The following GDPD4 variants were observed in gnomAD, a reference collection of about 807,000 sequenced individuals.
GDPD4 encodes the protein glycerophosphodiester phosphodiesterase 6.
Under a neutral mutation model 67.8 loss-of-function variants are expected in GDPD4, and 60 were observed. The ratio of observed to expected loss-of-function variants is 0.88; its 90% CI spans 0.72 to 1.10. The LOEUF is 1.10. Among genes scored for constraint, GDPD4 ranks in the 50% least tolerant of loss-of-function variants. The pLI is 0.00. For synonymous variants in GDPD4, 212 were observed against 210.9 expected, an observed-to-expected ratio of 1.00 and a Z score of -0.04; for missense variants, 623 against 613.9, an observed-to-expected ratio of 1.01 and a Z score of -0.16.
chr11:77,281,222 G>C (rs541809545), intron 3 of GDPD4, among the ~76,000 whole-genome samples: 1 of 152,084 alleles, frequency 6.6e-6, no homozygotes, highest in South Asian at 2.1e-4. Flanking sequence ...AACCTTCAAG[G>C]ACCCCTTCCC....
At chr11:77,285,483 A>G (rs1196556129) in intron 2 of GDPD4, among the ~76,000 whole-genome samples, 1 of 152,264 alleles carries the variant, frequency 6.6e-6, no homozygotes, top group African/African-American at 2.4e-5. Flanking sequence ...TCTTGAATGC[A>G]GCTGGCTCTC....
chr11:77,263,668 T>C (rs1335054271), intron 10 of GDPD4, among the ~76,000 whole-genome samples: 1 of 152,194 alleles, frequency 6.6e-6, no homozygotes, highest in East Asian at 1.9e-4. Flanking sequence ...AAACAAAATA[T>C]TAAATTTTAA....
intron 5 of GDPD4, among the ~76,000 whole-genome samples, chr11:77,274,737 CAA>C (rs1262331500): frequency 2.0e-5 from 3 of 152,164 alleles, no homozygotes; most frequent in Non-Finnish European, 4.4e-5. Flanking sequence ...GGGGACCACT[CAA>C]GAGTTTGAAA....
intron 10 of GDPD4, among the ~76,000 whole-genome samples, chr11:77,261,384 C>T (rs149425844): frequency 0.013 from 1,902 of 152,074 alleles, 40 homozygotes; most frequent in African/African-American, 0.044. Flanking sequence ...ATTACAGGTG[C>T]CCACCACCAC....
intron 1 of GDPD4, among the ~76,000 whole-genome samples, chr11:77,297,187 G>A (rs1463831962): frequency 6.6e-6 from 1 of 152,006 alleles, no homozygotes; most frequent in Non-Finnish European, 1.5e-5. Context: ...ATTGGAAGAT[G>A]TTAACAATTA....
chr11:77,217,795 T>A (rs1958152741), intron 16 of GDPD4, among the ~76,000 whole-genome samples: 1 of 152,162 alleles, frequency 6.6e-6, no homozygotes, highest in African/African-American at 2.4e-5. Flanking sequence ...ATAATGGAGC[T>A]AGGAGATCAA....
intron 4 of GDPD4, among the ~76,000 whole-genome samples, chr11:77,278,379 A>G (rs1317111263): frequency 1.3e-5 from 2 of 152,114 alleles, no homozygotes; most frequent in Non-Finnish European, 2.9e-5. Context: ...GTTCTTCCTC[A>G]TTACCATATC....
At chr11:77,230,720 A>C (rs570510241) in intron 14 of GDPD4, among the ~76,000 whole-genome samples, 34 of 152,350 alleles carry the variant, frequency 2.2e-4, no homozygotes, top group African/African-American at 7.9e-4. Context: ...TACTGTTTAT[A>C]AAAATGACCA....
chr11:77,235,112 G>C (rs911782165), intron 13 of GDPD4, among the ~76,000 whole-genome samples: 1 of 137,036 alleles, frequency 7.3e-6, no homozygotes, highest in African/African-American at 2.7e-5. Context: ...TCTCTCTGAT[G>C]ATTAGTGATG....
chr11:77,268,163 G>A (rs1959187202), intron 10 of GDPD4, among the ~76,000 whole-genome samples: 1 of 152,048 alleles, frequency 6.6e-6, no homozygotes, highest in South Asian at 2.1e-4. Flanking sequence ...AAATTGCTAA[G>A]GTAGTACATA....
At position 77,245,382 on chromosome 11, in the gene GDPD4, T is replaced by G. The variant is rs765419939; in HGVS notation, c.985A>C (p.Ile329Leu). ...GGTGGAGGGCGATGAAGATCAAATATCACAAATTTTCTTTCCTTCTCTGCA... is the reference window on the plus strand; with the variant it reads ...GGTGGAGGGCGATGAAGATCAAATAGCACAAATTTTCTTTCCTTCTCTGCA... ...TLAEKERKFV[I>L]FDLHRPPPKH... Residue 329 changes from isoleucine (I) to leucine (L), a missense_variant, in exon 12 of 17, where the codon ATA (isoleucine) becomes CTA (leucine). By Grantham distance (5) the Ile-to-Leu change is conservative. Transcript: ENST00000315938. 1.9e-6 allele frequency: 3 copies of G among 1,614,170 alleles called. No individual in the cohort carries two copies. The highest frequency in any genetic ancestry group is 2.2e-5 in the South Asian group (2 of 91,086).
chr11:77,261,241 C>CT (rs746464607), intron 10 of GDPD4, among the ~76,000 whole-genome samples: 196 of 144,970 alleles, frequency 1.4e-3, no homozygotes, highest in Middle Eastern at 7.1e-3. Context: ...GGCCTAACAT[C>CT]TTTTTTTTTT....
At chr11:77,235,018 T>TTG (rs1958528756) in intron 13 of GDPD4, among the ~76,000 whole-genome samples, 2 of 129,234 alleles carry the variant, frequency 1.5e-5, no homozygotes, top group South Asian at 5.2e-4. Context: ...TGTTTTTTTT[T>TTG]TTTTTTTTTT....
chr11:77,288,359 CCTG>C (rs1960077081), intron 1 of GDPD4, among the ~76,000 whole-genome samples: 1 of 152,136 alleles, frequency 6.6e-6, no homozygotes, highest in Non-Finnish European at 1.5e-5. Context: ...CCCACCTCGA[CCTG>C]CTAACACCAG....
At position 77,242,616 on chromosome 11, in the gene GDPD4, T is replaced by C. The variant is rs528861156; in HGVS notation, c.1241+1078A>G. Among the ~76,000 whole-genome samples, 4 of 152,098 alleles carry C rather than the reference T, an allele frequency of 2.6e-5. No individual in the cohort carries two copies. The East Asian group carries it at 7.7e-4, about 29-fold the overall frequency. On this transcript the variant is annotated intron_variant, in intron 13 of 16. Coordinates refer to ENST00000315938, the MANE Select transcript of GDPD4 (RefSeq NM_182833.3). ...ATAATAGCTCAATAAATGGAAGTCA[T>C]AATTATTTTTCAACTACTAGATCAA...
chr11:77,270,570 G>A (rs550330770), intron 7 of GDPD4, among the ~76,000 whole-genome samples: 6 of 152,096 alleles, frequency 3.9e-5, no homozygotes, highest in Non-Finnish European at 7.4e-5. Context: ...ACAACCAGGC[G>A]TGGTGGTGCA....
chr11:77,291,838 C>T (rs1487689359), intron 1 of GDPD4, among the ~76,000 whole-genome samples: 2 of 152,072 alleles, frequency 1.3e-5, no homozygotes, highest in African/African-American at 4.8e-5. Flanking sequence ...TGAGACCAGC[C>T]TGACCAACAT....
At chr11:77,244,773 T>C (rs1174563693) in intron 12 of GDPD4, among the ~76,000 whole-genome samples, 1 of 152,184 alleles carries the variant, frequency 6.6e-6, no homozygotes, top group African/African-American at 2.4e-5. Context: ...TAAAAAGACT[T>C]ATAATTGTTT....
Position 77,229,220 on chromosome 11 carries a change from A to T in GDPD4, c.1402T>A (p.Tyr468Asn), listed in dbSNP as rs768674618. Reference protein sequence around the residue: ...HPHFFMTPKFYVFMWLLADII... With the variant: ...HPHFFMTPKFNVFMWLLADII... ...TCTGCAAGGAGCCACATGAACACAT[A>T]GAACTTTGGTGTCTGAAAAACATAA... Residue 468 changes from tyrosine (Y) to asparagine (N), a missense_variant, in exon 15 of 17, where the codon TAT becomes AAT. Transcript: ENST00000315938. 6.2e-7 allele frequency: 1 copy of T among 1,601,884 alleles called. No homozygotes were observed. The highest frequency in any genetic ancestry group is 1.3e-5 in the African/African-American group (1 of 74,474).
Sources: allele counts gnomAD v4.1 joint callset (sites outside exome capture counted in the v4.1 genomes callset), GRCh38; gene constraint gnomAD v4.1.1; transcripts MANE v1.5; gene names NCBI Gene and HGNC (gene_info 2026-07-23, HGNC 2026-07-21).